The following NAA50 variants were observed in gnomAD, a reference collection of about 807,000 sequenced individuals.
The protein encoded by NAA50 is N-alpha-acetyltransferase 50.
A neutral mutation model predicts 20.7 loss-of-function variants in NAA50; 7 were observed. The observed-to-expected ratio is 0.34, with a 90% confidence interval of 0.19 to 0.63. NAA50 has a LOEUF of 0.63. NAA50 is among the 30% of genes least tolerant of loss of function. The pLI, the probability that NAA50 is intolerant of heterozygous loss-of-function variation, is 0.75. For missense variants in NAA50, 111 were observed against 199.1 expected, an observed-to-expected ratio of 0.56 and a Z score of 2.66; for synonymous variants, 54 against 70.6, an observed-to-expected ratio of 0.77 and a Z score of 1.18.
At chr3:113,729,347 T>G (rs183586951) in intron 1 of NAA50, among the ~76,000 whole-genome samples, 1 of 152,372 alleles carries the variant, frequency 6.6e-6, no homozygotes, top group East Asian at 1.9e-4. Context: ...AAAGAAAGTT[T>G]GGAAGTGTTT....
chr3:113,728,835 A>C lies in NAA50; in HGVS notation c.9-4740T>G, dbSNP rs1424012692. 2.0e-5 allele frequency among the ~76,000 whole-genome samples: 3 copies of C among 152,222 alleles called. No homozygotes were observed. The East Asian group carries it at 5.8e-4, about 29-fold the overall frequency. ...ACTTCAAAGTGAACATACTGCAAACAATTTCAAATCTTTGTTCCAAAATCT... is the reference window on the plus strand; with the variant it reads ...ACTTCAAAGTGAACATACTGCAAACCATTTCAAATCTTTGTTCCAAAATCT... On this transcript the variant is annotated intron_variant, in intron 1 of 4. Transcript: ENST00000240922.
In NAA50 at chr3:113,734,696, GAA is replaced by G. The variant is rs560054557; in HGVS notation, c.9-10603_9-10602del. ...GCTGCACAAGGCTTCAGTTTATATA[GAA>G]CAGAAATTGAATGAGAGCTGAATGA... On this transcript the variant is annotated intron_variant, in intron 1 of 4. Transcript: ENST00000240922. Among the ~76,000 whole-genome samples, 31 of 152,274 alleles carry G rather than the reference GAA, an allele frequency of 2.0e-4. No individual in the cohort carries two copies. In the South Asian group the frequency reaches 6.4e-3, roughly 32 times the overall value.
rs972002155 is a variant in NAA50 at position 113,745,827 on chromosome 3, T to C, written c.8+115A>G. The C allele has an allele frequency of 4.0e-6, 5 of 1,244,728 alleles. No individual in the cohort carries two copies. In the African/African-American group the frequency reaches 4.7e-5, roughly 12 times the overall value. The allele number at this position is 1,244,728 out of a possible 1,614,324, so 77.1% of individuals were successfully genotyped here. The stretch of plus-strand genomic sequence containing the variant: ...GAGGGAACTGAGAAGCAGAGAAATC[T>C]CCCTCCGCCCGTCTTCGCCCTGAAT... On this transcript the variant is annotated intron_variant, in intron 1 of 4. Coordinates refer to ENST00000240922, the MANE Select transcript of NAA50 (RefSeq NM_025146.4).
At chr3:113,732,565 T>TG (rs1467938959) in intron 1 of NAA50, among the ~76,000 whole-genome samples, 3 of 152,202 alleles carry the variant, frequency 2.0e-5, no homozygotes, top group Admixed American at 2.0e-4. Context: ...CCAGCTTCGG[T>TG]GGCCCCACGC....
chr3:113,726,110 A>T (rs1464927364), intron 1 of NAA50, among the ~76,000 whole-genome samples: 2 of 152,172 alleles, frequency 1.3e-5, no homozygotes, highest in African/African-American at 4.8e-5. Context: ...TGTTGCAACC[A>T]ATGATCTTTT....
In NAA50 at chr3:113,718,916, TAC is replaced by T. The variant is rs1269614184; in HGVS notation, c.*2842_*2843del. 2 of 152,628 alleles carry T rather than the reference TAC, an allele frequency of 1.3e-5. No homozygotes were observed. The highest frequency in any genetic ancestry group is 3.8e-4 in the East Asian group (2 of 5,202). 9.5% of individuals were successfully genotyped at this position (152,628 alleles called of 1,614,324 possible). A position where few individuals can be genotyped will look rare whatever the true frequency, so the allele number is the denominator to read the frequency against. On this transcript the variant is annotated 3_prime_UTR_variant, in exon 5 of 5. Coordinates refer to ENST00000240922, the MANE Select transcript of NAA50 (RefSeq NM_025146.4). ...TAAATAAAAGCAGTAAGGGAAACAC[TAC>T]ACAATGAGTATGTACGGTTGCTGGC...
At chr3:113,735,824 C>T (rs982785623) in intron 1 of NAA50, among the ~76,000 whole-genome samples, 1 of 152,124 alleles carries the variant, frequency 6.6e-6, no homozygotes, top group Non-Finnish European at 1.5e-5. Flanking sequence ...GCTGGGACTA[C>T]GGTGCCCGCC....
Position 113,724,002 on chromosome 3 carries a change from C to T in NAA50, c.102G>A (p.Lys34=). 1 of 1,610,410 alleles carries T rather than the reference C, an allele frequency of 6.2e-7. No homozygotes were observed. Among genetic ancestry groups the T allele is most frequent in the South Asian group, 1.1e-5 (1 of 89,828 alleles). The change falls in exon 2 of 5, where the codon AAG becomes AAA. Residue 34 remains lysine, a synonymous_variant. Coordinates refer to ENST00000240922, the MANE Select transcript of NAA50 (RefSeq NM_025146.4). ...QVIFPVSYND[K]FYKDVLEVGE... Reference sequence around the variant, plus strand: ...CAACCTCCAGCACATCCTTGTAGAACTTGTCATTGTAGCTGACTGGAAAGA... The same window carrying T: ...CAACCTCCAGCACATCCTTGTAGAATTTGTCATTGTAGCTGACTGGAAAGA...
chr3:113,745,892 C>T (rs781090043), intron 1 of NAA50, 50 bp downstream of exon 1: 9 of 1,596,668 alleles, frequency 5.6e-6, no homozygotes, highest in Non-Finnish European at 7.7e-6. Flanking sequence ...TACATGGGCC[C>T]GGACCCTTCT....
intron 2 of NAA50, 85 bp downstream of exon 2, chr3:113,723,874 T>G: frequency 1.8e-5 from 25 of 1,377,602 alleles, no homozygotes; most frequent in Non-Finnish European, 2.4e-5. Flanking sequence ...CTAAATTAGT[T>G]AACTTCTTCT....
intron 1 of NAA50, chr3:113,740,806 T>C (rs1331619533): frequency 5.1e-6 from 1 of 194,342 alleles, no homozygotes. Context: ...ATAATCAATT[T>C]GGTAAAACAA....
At chr3:113,733,723 C>T (rs578231583) in intron 1 of NAA50, among the ~76,000 whole-genome samples, 60 of 151,568 alleles carry the variant, frequency 4.0e-4, no homozygotes, top group Admixed American at 2.1e-3. Context: ...TGTGGTGGCG[C>T]ACACCTGTAA....
chr3:113,724,003 T>G lies in NAA50; in HGVS notation c.101A>C (p.Lys34Thr), dbSNP rs751514338. Residue 34 changes from lysine (K) to threonine (T), a missense_variant, in exon 2 of 5, where the codon AAG becomes ACG. Transcript: ENST00000240922. ...AACCTCCAGCACATCCTTGTAGAAC[T>G]TGTCATTGTAGCTGACTGGAAAGAT... ...QVIFPVSYNDKFYKDVLEVGE... is the reference protein window; with the variant it reads ...QVIFPVSYNDTFYKDVLEVGE... 1 of 1,610,862 alleles carries G rather than the reference T, an allele frequency of 6.2e-7. No individual in the cohort carries two copies. The highest frequency in any genetic ancestry group is 8.5e-7 in the Non-Finnish European group (1 of 1,178,588).
chr3:113,732,647 C>T (rs775291718), intron 1 of NAA50, among the ~76,000 whole-genome samples: 5 of 152,138 alleles, frequency 3.3e-5, no homozygotes, highest in African/African-American at 7.2e-5. Context: ...CTTATAAGGA[C>T]GCTAGTCATT....
At chr3:113,741,333 G>A in intron 1 of NAA50, 1 of 282,268 alleles carries the variant, frequency 3.5e-6, no homozygotes, top group South Asian at 3.8e-5. Flanking sequence ...AGCTAGTCAC[G>A]ACTGTACTAG....
At chr3:113,740,444 G>A (rs1047776123) in intron 1 of NAA50, among the ~76,000 whole-genome samples, 3 of 152,144 alleles carry the variant, frequency 2.0e-5, no homozygotes, top group Non-Finnish European at 4.4e-5. Context: ...TCGATGCAGT[G>A]CAGCTTCAAC....
chr3:113,732,208 T>G (rs553683793), intron 1 of NAA50, among the ~76,000 whole-genome samples: 1 of 152,290 alleles, frequency 6.6e-6, no homozygotes, highest in East Asian at 1.9e-4. Context: ...TATAATCACA[T>G]AAGTCCTTAA....
intron 1 of NAA50, 120 bp downstream of exon 1, chr3:113,745,822 A>T: frequency 8.3e-7 from 1 of 1,206,724 alleles, no homozygotes; most frequent in Non-Finnish European, 1.1e-6. Context: ...AGAAGCAGAG[A>T]AATCTCCCTC....
chr3:113,728,456 T>G (rs1487861124), intron 1 of NAA50, among the ~76,000 whole-genome samples: 1 of 152,100 alleles, frequency 6.6e-6, no homozygotes, highest in African/African-American at 2.4e-5. Context: ...AGAATGAAGG[T>G]GACAATGGGA....
Sources: gnomAD v4.1 joint callset for allele counts (sites outside exome capture counted in the v4.1 genomes callset) on GRCh38, gnomAD v4.1.1 for gene constraint, MANE v1.5 for transcripts, NCBI Gene and HGNC (gene_info 2026-07-23, HGNC 2026-07-21) for gene names.